ADCY4: variants seen among roughly 807,000 people sequenced by gnomAD.
The protein encoded by ADCY4 is adenylate cyclase type 4.
In ADCY4, 111 loss-of-function variants were observed where a neutral mutation model predicts 125.5. The observed-to-expected ratio is 0.88, with a 90% CI of 0.76 to 1.04. The LOEUF is 1.04. Ranked by LOEUF, ADCY4 falls within the 50% of genes least tolerant of loss-of-function variation. The pLI, the probability that ADCY4 is intolerant of heterozygous loss-of-function variation, is 0.00. For synonymous variants in ADCY4, 576 were observed against 586.9 expected (o/e 0.98, Z 0.27); for missense variants, 1,256 against 1,382.9 (o/e 0.91, Z 1.46).
Position 24,322,947 on chromosome 14 carries a change from C to G in ADCY4, c.2299G>C (p.Glu767Gln), listed in dbSNP as rs749721670. 3 of 1,612,338 alleles carry G rather than the reference C, an allele frequency of 1.9e-6. No homozygotes were observed. The African/African-American group carries it at 4.0e-5, about 22-fold the overall frequency. ...LFLHSHAWLS[E>Q]CLIVRLYLGP... ...AGATAGAGGCGGACGATGAGGCATT[C>G]CGACAGCCAGGCATGGGAGTGCAGG... Residue 767 changes from glutamate (E) to glutamine (Q), a missense_variant, in exon 18 of 25, where the codon GAA (glutamate) becomes CAA (glutamine). Coordinates refer to ENST00000418030, the MANE Select transcript of ADCY4 (RefSeq NM_001198568.2).
In ADCY4 at chr14:24,332,289, T is replaced by C; in HGVS notation, c.519+233A>G. 1.0e-5 allele frequency: 5 copies of C among 499,248 alleles called. No individual in the cohort carries two copies. In the South Asian group the frequency reaches 1.9e-4, roughly 19 times the overall value. 30.9% of individuals were successfully genotyped at this position (499,248 alleles called of 1,614,324 possible). A position where few individuals can be genotyped will look rare whatever the true frequency, so the allele number is the denominator to read the frequency against. On this transcript the variant is annotated intron_variant, in intron 3 of 24. Transcript: ENST00000418030. ...TCAAGGTTTCATTAACCACATCTGT[T>C]GTCCCCGGGGTAAACCACGACACGA...
chr14:24,329,725 A>G, intron 8 of ADCY4, 135 bp downstream of exon 8: 1 of 1,434,108 alleles, frequency 7.0e-7, no homozygotes, highest in South Asian at 1.4e-5. Flanking sequence ...GCACCCTAGG[A>G]TCTCCCAAGC....
intron 1 of ADCY4, among the ~76,000 whole-genome samples, chr14:24,333,847 C>T (rs1361425691): frequency 6.6e-6 from 1 of 152,178 alleles, no homozygotes; most frequent in African/African-American, 2.4e-5. Flanking sequence ...GGGCTGCGAT[C>T]TCGCCACCTG....
rs769936263 is a variant in ADCY4 at position 24,329,449 on chromosome 14, G to A, written c.1302C>T (p.Pro434=). 1 of 1,580,570 alleles carries A rather than the reference G, an allele frequency of 6.3e-7. No homozygotes were observed. Among genetic ancestry groups the A allele is most frequent in the Non-Finnish European group, 8.6e-7 (1 of 1,166,276 alleles). The change falls in exon 9 of 25, where the codon CCC becomes CCT. Residue 434 remains proline, a synonymous_variant. Coordinates refer to ENST00000418030, the MANE Select transcript of ADCY4 (RefSeq NM_001198568.2). ...TAGGCTCCCCTAGCTCCCGAAGGTA[G>A]GGGTCCCGATGCTCCATGCCTGCGT... ...VEDAGMEHRD[P]YLRELGEPTY...
Position 24,334,553 on chromosome 14 carries a change from G to A in ADCY4, c.100C>T (p.Leu34=), listed in dbSNP as rs1304354871. The A allele has an allele frequency of 1.3e-6, 2 of 1,509,946 alleles. No homozygotes were observed. The highest frequency in any genetic ancestry group is 2.0e-5 in the Admixed American group (1 of 50,630). The allele number at this position is 1,509,946 out of a possible 1,614,324, so 93.5% of individuals were successfully genotyped here. Residue 34 remains leucine, a synonymous_variant, in exon 1 of 25, where the codon CTG becomes TTG. Transcript: ENST00000418030. ...SQQYPLLLLL[L]GIVLCALAAL... ...GCGAGCGCACAGAGCACGATCCCCA[G>A]CAGCAGCAGCAGCAGCGGGTACTGC...
chr14:24,329,083 A>G lies in ADCY4; in HGVS notation c.1502T>C (p.Val501Ala). 1 of 1,613,820 alleles carries G rather than the reference A, an allele frequency of 6.2e-7. No individual in the cohort carries two copies. The change falls in exon 10 of 25, where the codon GTG (valine) becomes GCG (alanine). Residue 501 changes from valine to alanine, a missense_variant. Coordinates refer to ENST00000418030, the MANE Select transcript of ADCY4 (RefSeq NM_001198568.2). ...FAHLSHGDSP[V>A]STSTPLPEKT... is the part of the protein sequence containing the mutation. The stretch of plus-strand genomic sequence containing the variant: ...TACCGGGAGAGGGGTGGAGGTGGAC[A>G]CAGGGCTGTCTCCGTGGCTCAGGTG...
chr14:24,322,293 C>T, intron 19 of ADCY4, 69 bp from the exon 20 acceptor site: 2 of 1,537,402 alleles, frequency 1.3e-6, no homozygotes, highest in Non-Finnish European at 1.8e-6. Flanking sequence ...AGTGTTCAGC[C>T]CCAACTCCAT....
At chr14:24,323,499 C>T (rs1227054048) in intron 16 of ADCY4, 45 bp from the exon 17 acceptor site, 2 of 1,548,530 alleles carry the variant, frequency 1.3e-6, no homozygotes, top group Admixed American at 2.0e-5. Context: ...GCTTCTTGGG[C>T]ACAGTGGTGG....
intron 8 of ADCY4, 115 bp downstream of exon 8, chr14:24,329,745 G>A: frequency 6.7e-7 from 1 of 1,489,492 alleles, no homozygotes; most frequent in Non-Finnish European, 9.0e-7. Context: ...CCCCATATGG[G>A]ACTTATCTTA....
chr14:24,332,476 G>T, intron 3 of ADCY4, 46 bp downstream of exon 3: 2 of 1,536,992 alleles, frequency 1.3e-6, no homozygotes, highest in South Asian at 1.2e-5. Context: ...CTACTAGCAC[G>T]TGGCAGAGCC....
chr14:24,329,996 C>T lies in ADCY4; in HGVS notation c.1081G>A (p.Val361Met), dbSNP rs1566439435. 1.9e-6 allele frequency: 3 copies of T among 1,613,804 alleles called. No homozygotes were observed. Among genetic ancestry groups the T allele is most frequent in the Non-Finnish European group, 2.5e-6 (3 of 1,179,840 alleles). ...ACGCCCACACGCATGTTGATGTCCACGCCAGTGGCTGCCCGCAGTTTCCTG... is the reference window on the plus strand; with the variant it reads ...ACGCCCACACGCATGTTGATGTCCATGCCAGTGGCTGCCCGCAGTTTCCTG... ...AIRKLRAATGVDINMRVGVHS... is the reference protein window; with the variant it reads ...AIRKLRAATGMDINMRVGVHS... The change falls in exon 8 of 25, where the codon GTG becomes ATG. Residue 361 changes from valine to methionine, a missense_variant. By Grantham distance (21) the Val-to-Met change is conservative. Coordinates refer to ENST00000418030, the MANE Select transcript of ADCY4 (RefSeq NM_001198568.2).
Position 24,329,126 on chromosome 14 carries a change from C to T in ADCY4, c.1459G>A (p.Ala487Thr). ...CTCAGGTGGGCAAAAGGCTTGGCTG[C>T]GCCCCAGGACTCCAGGTAACGGGTC... ...LMTRYLESWG[A>T]AKPFAHLSHG... is the part of the protein sequence containing the mutation. Residue 487 changes from alanine (A) to threonine (T), a missense_variant, in exon 10 of 25, where the codon GCA becomes ACA. Transcript: ENST00000418030. 5 of 1,613,920 alleles carry T rather than the reference C, an allele frequency of 3.1e-6. No individual in the cohort carries two copies. The highest frequency in any genetic ancestry group is 4.2e-6 in the Non-Finnish European group (5 of 1,179,896).
chr14:24,325,968 A>G (rs2041935466), intron 12 of ADCY4, 81 bp from the exon 13 acceptor site: 1 of 1,586,700 alleles, frequency 6.3e-7, no homozygotes, highest in East Asian at 2.3e-5. Context: ...AGTGAGGGCA[A>G]GAGGGGGTGG....
Position 24,322,919 on chromosome 14 carries a change from C to T in ADCY4, c.2327G>A (p.Gly776Asp). The T allele has an allele frequency of 6.2e-7, 1 of 1,602,664 alleles. No individual in the cohort carries two copies. The highest frequency in any genetic ancestry group is 1.1e-5 in the South Asian group (1 of 89,518). Residue 776 changes from glycine to aspartate, a missense_variant, in exon 18 of 25, where the codon GGC (glycine) becomes GAC (aspartate). Transcript: ENST00000418030. Reference sequence around the variant, plus strand: ...CTGTGCACACCTGGAGTCCAAGGGGCCCAGATAGAGGCGGACGATGAGGCA... The same window carrying T: ...CTGTGCACACCTGGAGTCCAAGGGGTCCAGATAGAGGCGGACGATGAGGCA... ...SECLIVRLYL[G>D]PLDSRPGVLK...
rs1327007985 is a variant in ADCY4, at chr14:24,332,344, C to T, written c.519+178G>A. 4.4e-6 allele frequency: 3 copies of T among 684,696 alleles called. No individual in the cohort carries two copies. The East Asian group carries it at 8.8e-5, about 20-fold the overall frequency. 42.4% of individuals were successfully genotyped at this position (684,696 alleles called of 1,614,324 possible). ...CTTCCGTGTGGCCTGGATCCCTCTTCTGGTAACAGCAGGCATTGCATCACA... is the reference window on the plus strand; with the variant it reads ...CTTCCGTGTGGCCTGGATCCCTCTTTTGGTAACAGCAGGCATTGCATCACA... On this transcript the variant is annotated intron_variant, in intron 3 of 24. Transcript: ENST00000418030.
Position 24,334,510 on chromosome 14 carries a change from G to C in ADCY4, c.143C>G (p.Ala48Gly), listed in dbSNP as rs1278261029. The change falls in exon 1 of 25, where the codon GCC (alanine) becomes GGC (glycine). Residue 48 changes from alanine (A) to glycine (G), a missense_variant. Physicochemically the swap from Ala to Gly is moderately conservative, Grantham distance 60 (BLOSUM62 0). Transcript: ENST00000418030. ...TCGGCTCACCCTGCCGCTGGCCCAG[G>C]CCACTGCGAGCAGCGCCGCGAGCGC... ...LCALAALLAV[A>G]WASGRELTSD... 6.3e-7 allele frequency: 1 copy of C among 1,581,020 alleles called. No homozygotes were observed. The highest frequency in any genetic ancestry group is 8.5e-7 in the Non-Finnish European group (1 of 1,169,696).
chr14:24,332,027 C>A, intron 3 of ADCY4, 90 bp from the exon 4 acceptor site: 2 of 1,396,870 alleles, frequency 1.4e-6, no homozygotes, highest in Non-Finnish European at 1.9e-6. Flanking sequence ...CTGGGGAAGA[C>A]TGGGCTTTAC....
At position 24,322,205 on chromosome 14, in the gene ADCY4, AGGC is replaced by A; in HGVS notation, c.2444_2446del (p.Arg815del). The stretch of plus-strand genomic sequence containing the variant: ...CAGCTTCTTCTTCCACAGGAAGTCC[AGGC>A]GGCAGTAGTACTCATTCTGGGGAGG... On this transcript the variant is annotated inframe_deletion, in exon 20 of 25. Transcript: ENST00000418030. 2.5e-6 allele frequency: 4 copies of A among 1,613,806 alleles called. No homozygotes were observed. Among genetic ancestry groups the A allele is most frequent in the Non-Finnish European group, 3.4e-6 (4 of 1,179,812 alleles).
rs2042057871 is a variant in ADCY4, at chr14:24,332,513, C to A, written c.519+9G>T. ...TCCTGAGCGCAGCCTGTGCTACTTG[C>A]GTGCTCACCTGCGGCAGCAGTGCAG... On this transcript the variant is annotated intron_variant, in intron 3 of 24. Transcript: ENST00000418030. 4 of 1,559,180 alleles carry A rather than the reference C, an allele frequency of 2.6e-6. No homozygotes were observed. Among genetic ancestry groups the A allele is most frequent in the Non-Finnish European group, 3.5e-6 (4 of 1,151,802 alleles).
Sources: allele counts gnomAD v4.1 joint callset (sites outside exome capture counted in the v4.1 genomes callset), GRCh38; gene constraint gnomAD v4.1.1; transcripts MANE v1.5; gene names NCBI Gene and HGNC (gene_info 2026-07-23, HGNC 2026-07-21).